ABLIM1: variants seen among roughly 807,000 people sequenced by gnomAD.
The protein encoded by ABLIM1 is actin binding LIM protein 1, also known as actin-binding LIM protein 1.
Under a neutral mutation model 107.0 loss-of-function variants are expected in ABLIM1, and 40 were observed. The observed-to-expected ratio is 0.37, with a 90% CI of 0.29 to 0.49. The LOEUF is 0.49. ABLIM1 is among the 20% of genes least tolerant of loss of function. The pLI is 0.97. For synonymous variants in ABLIM1, 357 were observed against 357.3 expected (o/e 1.00, Z 0.01); for missense variants, 857 against 1,008.5 (o/e 0.85, Z 2.04).
chr10:114,787,750 T>C, the ABLIM1 span, among the ~76,000 whole-genome samples: 50 of 56,494 alleles, frequency 8.9e-4, no homozygotes, highest in South Asian at 2.0e-3. Context: ...GTCCGGGAGG[T>C]GAGGGGAGCC....
Position 114,580,219 on chromosome 10 carries a change from A to ATATATATATATT in ABLIM1, c.380-4621_380-4620insAATATATATATA, listed in dbSNP as rs1565997621. Reference sequence around the variant, plus strand: ...TATATTATATATTATATATATATATATTTTTTAGACAAGGTCTTGCTCTGT... The same window carrying ATATATATATATT: ...TATATTATATATTATATATATATATATATATATATATTTTTTTTAGACAAGGTCTTGCTCTGT... On this transcript the variant is annotated intron_variant, in intron 2 of 22. Coordinates refer to ENST00000533213, the MANE Select transcript of ABLIM1 (RefSeq NM_002313.7). Among the ~76,000 whole-genome samples, 47 of 147,900 alleles carry ATATATATATATT rather than the reference A, an allele frequency of 3.2e-4. 1 individual carries two copies. In the East Asian group the frequency reaches 8.6e-3, roughly 27 times the overall value.
chr10:114,482,684 T>C (rs1177456622), intron 8 of ABLIM1, among the ~76,000 whole-genome samples: 1 of 152,172 alleles, frequency 6.6e-6, no homozygotes, highest in Non-Finnish European at 1.5e-5. Context: ...TTGACTTCAT[T>C]GATAGTTACA....
chr10:114,489,701 C>T (rs2058671819), intron 7 of ABLIM1, among the ~76,000 whole-genome samples: 1 of 152,150 alleles, frequency 6.6e-6, no homozygotes, highest in African/African-American at 2.4e-5. Context: ...CTGGCCAGGA[C>T]ACCGGGTCTG....
chr10:114,693,449 C>T (rs1322164624), intron 1 of ABLIM1, among the ~76,000 whole-genome samples: 1 of 152,178 alleles, frequency 6.6e-6, no homozygotes, highest in African/African-American at 2.4e-5. Context: ...CTCTGAGCAA[C>T]ATGCTCTCAT....
intron 8 of ABLIM1, among the ~76,000 whole-genome samples, chr10:114,481,568 G>T (rs1170394118): frequency 1.3e-5 from 2 of 152,118 alleles, no homozygotes; most frequent in African/African-American, 2.4e-5. Context: ...CATACTGAAT[G>T]CCCACTGCTA....
chr10:114,735,199 G>T (rs1012559370), intron 1 of ABLIM1, among the ~76,000 whole-genome samples: 1 of 152,162 alleles, frequency 6.6e-6, no homozygotes, highest in Non-Finnish European at 1.5e-5. Context: ...TCAGACACTG[G>T]AATAACATGA....
At chr10:114,460,340 C>T (rs990646346) in intron 12 of ABLIM1, among the ~76,000 whole-genome samples, 1 of 152,210 alleles carries the variant, frequency 6.6e-6, no homozygotes, top group Non-Finnish European at 1.5e-5. Context: ...GTGGCTCACG[C>T]CTGTAATCCC....
At chr10:114,796,889 A>G in the ABLIM1 span, among the ~76,000 whole-genome samples, 3 of 152,200 alleles carry the variant, frequency 2.0e-5, no homozygotes, top group African/African-American at 7.2e-5. Flanking sequence ...AAGTCCTGCC[A>G]TCATCTTACG....
At chr10:114,745,152 C>T (rs1049461017) in intron 1 of ABLIM1, among the ~76,000 whole-genome samples, 3 of 152,154 alleles carry the variant, frequency 2.0e-5, no homozygotes, top group Non-Finnish European at 4.4e-5. Flanking sequence ...CTGCCCCACC[C>T]TCTCCTCCAA....
intron 1 of ABLIM1, among the ~76,000 whole-genome samples, chr10:114,767,233 T>A (rs1437933792): frequency 6.6e-6 from 1 of 152,222 alleles, no homozygotes; most frequent in Non-Finnish European, 1.5e-5. Context: ...TCTTACAGGT[T>A]GCCTTCAGGG....
chr10:114,555,475 T>C (rs2068608436), intron 4 of ABLIM1, among the ~76,000 whole-genome samples: 2 of 152,158 alleles, frequency 1.3e-5, no homozygotes, highest in Non-Finnish European at 2.9e-5. Flanking sequence ...TCACTTTAAA[T>C]CTCCGATCAT....
intron 1 of ABLIM1, among the ~76,000 whole-genome samples, chr10:114,749,868 A>G (rs1231534391): frequency 1.3e-5 from 2 of 152,010 alleles, no homozygotes; most frequent in Non-Finnish European, 2.9e-5. Flanking sequence ...CTTTGTTTAA[A>G]TGTCACCTTC....
chr10:114,544,203 C>T (rs939346519), intron 6 of ABLIM1, among the ~76,000 whole-genome samples: 1 of 152,302 alleles, frequency 6.6e-6, no homozygotes, highest in East Asian at 1.9e-4. Flanking sequence ...AGTCATCCCC[C>T]TAGTTGTGGG....
At chr10:114,698,930 A>T (rs915718147) in intron 1 of ABLIM1, among the ~76,000 whole-genome samples, 1 of 151,914 alleles carries the variant, frequency 6.6e-6, no homozygotes, top group African/African-American at 2.4e-5. Flanking sequence ...ATAAAATGGG[A>T]TTAGGGGGAA....
intron 8 of ABLIM1, among the ~76,000 whole-genome samples, chr10:114,476,448 C>T (rs756105055): frequency 7.9e-5 from 12 of 151,920 alleles, no homozygotes; most frequent in Non-Finnish European, 1.8e-4. Flanking sequence ...TTGAGACCAG[C>T]CTGGCCAACA....
At chr10:114,625,756 G>T (rs1267176802) in intron 1 of ABLIM1, among the ~76,000 whole-genome samples, 2 of 152,174 alleles carry the variant, frequency 1.3e-5, no homozygotes, top group African/African-American at 4.8e-5. Flanking sequence ...GTGGACATTA[G>T]CACTGGTTTT....
At chr10:114,443,940 G>A (rs2060613847) in intron 17 of ABLIM1, 89 bp downstream of exon 17, 2 of 1,042,458 alleles carry the variant, frequency 1.9e-6, no homozygotes, top group Non-Finnish European at 2.8e-6. Flanking sequence ...TACTCTGTAG[G>A]TTCCACCACA....
At chr10:114,788,467 C>T in the ABLIM1 span, among the ~76,000 whole-genome samples, 1 of 149,876 alleles carries the variant, frequency 6.7e-6, no homozygotes, top group Non-Finnish European at 1.5e-5. Flanking sequence ...GAGGCTCACG[C>T]CTGTAATCCC....
chr10:114,668,718 A>G (rs2080128306), intron 1 of ABLIM1, among the ~76,000 whole-genome samples: 1 of 152,224 alleles, frequency 6.6e-6, no homozygotes, highest in Non-Finnish European at 1.5e-5. Flanking sequence ...AGCCATTTAG[A>G]TAAGAAACAC....
Sources: gnomAD v4.1 joint callset for allele counts (sites outside exome capture counted in the v4.1 genomes callset) on GRCh38, gnomAD v4.1.1 for gene constraint, MANE v1.5 for transcripts, NCBI Gene and HGNC (gene_info 2026-07-23, HGNC 2026-07-21) for gene names.